Variants in KIF15 observed in about 807,000 individuals in gnomAD.
The protein encoded by KIF15 is kinesin-like protein KIF15.
Under a neutral mutation model 190.6 loss-of-function variants are expected in KIF15, and 140 were observed. The observed-to-expected ratio is 0.73, with a 90% CI of 0.64 to 0.84. The LOEUF (loss-of-function observed/expected upper bound fraction) is 0.84, where lower values mean the gene tolerates loss of function less well. Ranked by LOEUF, KIF15 falls within the 40% of genes least tolerant of loss-of-function variation. The pLI is 0.00. For synonymous variants in KIF15, 528 were observed against 551.3 expected (o/e 0.96, Z 0.59); for missense variants, 1,372 against 1,584.4 (o/e 0.87, Z 2.28).
chr3:44,780,543 A>G (rs1360283107), intron 4 of KIF15, among the ~76,000 whole-genome samples: 3 of 152,204 alleles, frequency 2.0e-5, no homozygotes, highest in East Asian at 1.9e-4. Flanking sequence ...GCAGACCTCT[A>G]TTGCTGACCT....
intron 32 of KIF15, among the ~76,000 whole-genome samples, chr3:44,850,528 C>T (rs1699023935): frequency 6.6e-6 from 1 of 152,156 alleles, no homozygotes; most frequent in Admixed American, 6.5e-5. Context: ...TACAGCAGGC[C>T]AAACTTCACT....
intron 25 of KIF15, 62 bp from the exon 26 acceptor site, chr3:44,830,831 CTTG>C: frequency 6.5e-7 from 1 of 1,531,064 alleles, no homozygotes; most frequent in South Asian, 1.2e-5. Flanking sequence ...CAGACTCATT[CTTG>C]TTATTTTAAT....
At chr3:44,778,658 C>CTA (rs983435483) in intron 4 of KIF15, among the ~76,000 whole-genome samples, 6 of 151,690 alleles carry the variant, frequency 4.0e-5, no homozygotes, top group African/African-American at 9.7e-5. Flanking sequence ...ATCTGTCTAT[C>CTA]TATATATATA....
intron 7 of KIF15, among the ~76,000 whole-genome samples, chr3:44,787,893 C>T (rs1027535856): frequency 8.6e-5 from 13 of 151,926 alleles, no homozygotes; most frequent in African/African-American, 3.1e-4. Context: ...CTTGCTCTGT[C>T]ACCCAGGCTG....
At chr3:44,767,852 G>A (rs1010565519) in intron 1 of KIF15, among the ~76,000 whole-genome samples, 26 of 132,554 alleles carry the variant, frequency 2.0e-4, no homozygotes, top group Admixed American at 1.7e-4. Context: ...CGGAGATTGC[G>A]CCACTGCACT....
intron 11 of KIF15, among the ~76,000 whole-genome samples, chr3:44,801,207 G>T (rs1707253646): frequency 6.9e-6 from 1 of 143,952 alleles, no homozygotes. Context: ...ATCGGGGGCG[G>T]CGGGAGGGGG....
intron 23 of KIF15, among the ~76,000 whole-genome samples, 153 bp downstream of exon 23, chr3:44,827,681 T>A (rs1697745866): frequency 6.6e-6 from 1 of 152,146 alleles, no homozygotes; most frequent in South Asian, 2.1e-4. Flanking sequence ...TTTTTAATTT[T>A]ATTTTTTTCT....
chr3:44,813,629 TG>T (rs1408302039), intron 19 of KIF15, among the ~76,000 whole-genome samples: 74 of 119,512 alleles, frequency 6.2e-4, no homozygotes, highest in African/African-American at 1.9e-3. Context: ...TTGTTTGTTT[TG>T]TTTTTTTTTT....
At chr3:44,862,099 C>A in intron 6 of KIF15, 1 of 1,083,070 alleles carries the variant, frequency 9.2e-7, no homozygotes, top group South Asian at 3.2e-5. Context: ...CTCCGCCAAG[C>A]TGGCCTTCGG....
Position 44,801,523 on chromosome 3 carries a change from G to T in KIF15, c.1296G>T (p.Lys432Asn). 1 of 1,552,894 alleles carries T rather than the reference G, an allele frequency of 6.4e-7. No homozygotes were observed. Among genetic ancestry groups the T allele is most frequent in the Non-Finnish European group, 8.9e-7 (1 of 1,125,612 alleles). Reference sequence around the variant, plus strand: ...TCTTTAAGAAATCTGAACAGGAAAAGAAGGTAGGAAATGGAATTAGTAATA... The same window carrying T: ...TCTTTAAGAAATCTGAACAGGAAAATAAGGTAGGAAATGGAATTAGTAATA... Reference protein sequence around the residue: ...MLFFKKSEQEKKSLIEKVTQL... With the variant: ...MLFFKKSEQENKSLIEKVTQL... The change falls in exon 12 of 35, where the codon AAG (lysine) becomes AAT (asparagine). Residue 432 changes from lysine to asparagine, a missense_variant. Coordinates refer to ENST00000326047, the MANE Select transcript of KIF15 (RefSeq NM_020242.3).
In KIF15 at chr3:44,774,449, A is replaced by G; in HGVS notation, c.62+12A>G. 1 of 1,606,470 alleles carries G rather than the reference A, an allele frequency of 6.2e-7. No homozygotes were observed. Among genetic ancestry groups the G allele is most frequent in the Non-Finnish European group, 8.5e-7 (1 of 1,173,466 alleles). ...TCTAACCAACCAAGGTAAGGAGAAA[A>G]ATATTCTCAATGAGCTCCCAAAGGA... On this transcript the variant is annotated intron_variant, in intron 2 of 34. Coordinates refer to ENST00000326047, the MANE Select transcript of KIF15 (RefSeq NM_020242.3).
intron 16 of KIF15, among the ~76,000 whole-genome samples, chr3:44,810,641 A>T (rs1392955207): frequency 6.6e-6 from 1 of 152,150 alleles, no homozygotes; most frequent in African/African-American, 2.4e-5. Flanking sequence ...GTTTATTTTT[A>T]AAAATTGTAT....
At chr3:44,798,122 T>G (rs1364274667) in intron 10 of KIF15, among the ~76,000 whole-genome samples, 166 bp downstream of exon 10, 2 of 152,032 alleles carry the variant, frequency 1.3e-5, no homozygotes, top group Non-Finnish European at 2.9e-5. Context: ...CACATGTAAT[T>G]AGAGACCTAG....
At chr3:44,812,063 A>G (rs1707808400) in intron 17 of KIF15, 119 bp from the exon 18 acceptor site, 2 of 703,238 alleles carry the variant, frequency 2.8e-6, no homozygotes, top group African/African-American at 1.8e-5. Context: ...ACCTTTGTTC[A>G]TATGAGGTTT....
At chr3:44,827,573 T>A (rs763634826) in intron 23 of KIF15, 45 bp downstream of exon 23, 18 of 1,252,192 alleles carry the variant, frequency 1.4e-5, no homozygotes, top group Admixed American at 1.9e-5. Flanking sequence ...AGTTTATAAC[T>A]TTTATTCCTG....
chr3:44,852,400 A>C (rs1699093362), intron 34 of KIF15, 61 bp downstream of exon 34: 8 of 1,480,298 alleles, frequency 5.4e-6, no homozygotes, highest in Non-Finnish European at 7.3e-6. Context: ...ATTTTATTGA[A>C]ACCAAATTAA....
intron 26 of KIF15, among the ~76,000 whole-genome samples, chr3:44,833,333 C>T (rs1319041238): frequency 1.3e-5 from 2 of 151,960 alleles, no homozygotes; most frequent in African/African-American, 2.4e-5. Flanking sequence ...TTACTGTGTA[C>T]TTTATTTCTA....
At chr3:44,816,674 A>G (rs540392050) in intron 20 of KIF15, among the ~76,000 whole-genome samples, 1 of 152,268 alleles carries the variant, frequency 6.6e-6, no homozygotes, top group African/African-American at 2.4e-5. Context: ...AGTCTTTGCT[A>G]TTGTGAATAG....
chr3:44,829,273 C>T (rs142345690), intron 24 of KIF15, among the ~76,000 whole-genome samples: 66,023 of 149,446 alleles, frequency 0.44, 15,762 homozygotes, highest in East Asian at 0.82. Context: ...AGGAGAATGG[C>T]GTGAACCCGG....
Sources: allele counts gnomAD v4.1 joint callset (sites outside exome capture counted in the v4.1 genomes callset), GRCh38; gene constraint gnomAD v4.1.1; transcripts MANE v1.5; gene names NCBI Gene and HGNC (gene_info 2026-07-23, HGNC 2026-07-21).